The following MARCHF1 variants were observed in gnomAD, a reference collection of about 807,000 sequenced individuals.
MARCHF1 encodes the protein E3 ubiquitin-protein ligase MARCHF1.
In MARCHF1, 40 loss-of-function variants were observed where a neutral mutation model predicts 54.2. That is an observed-to-expected ratio of 0.74 (90% CI 0.57 to 0.96). MARCHF1 has a LOEUF of 0.96. MARCHF1 is among the 40% of genes least tolerant of loss of function. The probability of loss-of-function intolerance (pLI) is 0.00; values close to 1 mark genes in which losing one functional copy is unlikely to be tolerated. For missense variants in MARCHF1, 586 were observed against 656.5 expected, an observed-to-expected ratio of 0.89 and a Z score of 1.17; for synonymous variants, 236 against 236.3, an observed-to-expected ratio of 1.00 and a Z score of 0.01.
intron 4 of MARCHF1, among the ~76,000 whole-genome samples, chr4:163,759,454 T>C (rs921243694): frequency 6.6e-6 from 1 of 152,316 alleles, no homozygotes; most frequent in Non-Finnish European, 1.5e-5. Context: ...TCAATCATTG[T>C]AAGTTACAAT....
chr4:164,310,004 A>C (rs1560997179), intron 1 of MARCHF1, among the ~76,000 whole-genome samples: 1 of 152,070 alleles, frequency 6.6e-6, no homozygotes, highest in Non-Finnish European at 1.5e-5. Flanking sequence ...ATTAAAAAAA[A>C]ATCTGTAGGT....
At chr4:163,987,815 CT>C (rs1752899251) in intron 3 of MARCHF1, among the ~76,000 whole-genome samples, 1 of 152,200 alleles carries the variant, frequency 6.6e-6, no homozygotes, top group African/African-American at 2.4e-5. Context: ...AGCATATGAT[CT>C]TTCAAGCAGT....
Position 163,528,413 on chromosome 4 carries a change from G to C in MARCHF1, c.*335C>G, listed in dbSNP as rs1738215046. 4.3e-6 allele frequency: 1 copy of C among 232,494 alleles called. No individual in the cohort carries two copies. The highest frequency in any genetic ancestry group is 1.0e-4 in the South Asian group (1 of 9,950). 14.4% of individuals were successfully genotyped at this position (232,494 alleles called of 1,614,324 possible). A position where few individuals can be genotyped will look rare whatever the true frequency, so the allele number is the denominator to read the frequency against. On this transcript the variant is annotated 3_prime_UTR_variant, in exon 10 of 10. Transcript: ENST00000514618. ...GTCTGTATTCTTGAACTTTTCCCCT[G>C]TTACTGTGAAGAAGAGTATCATGGG...
chr4:164,130,578 G>A (rs1306828257), intron 1 of MARCHF1, among the ~76,000 whole-genome samples: 1 of 152,072 alleles, frequency 6.6e-6, no homozygotes, highest in Non-Finnish European at 1.5e-5. Context: ...AATAAACCCT[G>A]CGCTAAACAA....
intron 4 of MARCHF1, among the ~76,000 whole-genome samples, chr4:163,725,596 A>G (rs1362342190): frequency 1.3e-5 from 2 of 152,266 alleles, no homozygotes; most frequent in African/African-American, 2.4e-5. Context: ...TTTCCATTCA[A>G]TAAGTGCTTT....
At position 164,158,803 on chromosome 4, in the gene MARCHF1, G is replaced by A. The variant is rs139647149; in HGVS notation, c.-322-47141C>T. Among the ~76,000 whole-genome samples, 329 of 151,944 alleles carry A rather than the reference G, an allele frequency of 2.2e-3. 1 individual carries two copies. Among genetic ancestry groups the A allele is most frequent in the Non-Finnish European group, 3.4e-3 (230 of 67,956 alleles). Reference sequence around the variant, plus strand: ...CCACATTTCTTTCCAACTATGCTCCGCCAAAAATGTACTTTTTAGCCTCCA... The same window carrying A: ...CCACATTTCTTTCCAACTATGCTCCACCAAAAATGTACTTTTTAGCCTCCA... On this transcript the variant is annotated intron_variant, in intron 1 of 9. Transcript: ENST00000514618.
chr4:164,214,356 T>C (rs369661982), intron 1 of MARCHF1, among the ~76,000 whole-genome samples: 10 of 152,336 alleles, frequency 6.6e-5, no homozygotes, highest in African/African-American at 1.7e-4. Context: ...AACCATGTTG[T>C]ACTTGCAAGT....
intron 5 of MARCHF1, among the ~76,000 whole-genome samples, chr4:163,614,480 A>G (rs1741450134): frequency 6.6e-6 from 1 of 152,116 alleles, no homozygotes; most frequent in Non-Finnish European, 1.5e-5. Flanking sequence ...CAGAGATGAA[A>G]TGCACAATTT....
At chr4:163,783,296 G>C (rs940238847) in intron 4 of MARCHF1, among the ~76,000 whole-genome samples, 3 of 152,158 alleles carry the variant, frequency 2.0e-5, no homozygotes, top group Non-Finnish European at 4.4e-5. Flanking sequence ...TGACTATCAA[G>C]AGTTTAAATT....
At chr4:163,996,050 T>C (rs988690298) in intron 2 of MARCHF1, among the ~76,000 whole-genome samples, 2 of 152,060 alleles carry the variant, frequency 1.3e-5, no homozygotes, top group East Asian at 3.9e-4. Flanking sequence ...AACTATATTT[T>C]ACTAAGTTTT....
intron 1 of MARCHF1, among the ~76,000 whole-genome samples, chr4:164,241,968 G>C (rs556531296): frequency 6.6e-6 from 1 of 152,216 alleles, no homozygotes; most frequent in South Asian, 2.1e-4. Context: ...ACCTGGCTCG[G>C]AGGGTCCTAT....
At chr4:164,333,223 C>G (rs918040094) in intron 1 of MARCHF1, among the ~76,000 whole-genome samples, 3 of 152,038 alleles carry the variant, frequency 2.0e-5, no homozygotes, top group Non-Finnish European at 4.4e-5. Context: ...TAATAGATTA[C>G]AAAATTGTGT....
intron 1 of MARCHF1, among the ~76,000 whole-genome samples, chr4:164,148,097 A>C (rs1729813991): frequency 6.6e-6 from 1 of 151,888 alleles, no homozygotes; most frequent in Non-Finnish European, 1.5e-5. Flanking sequence ...CATTATGGTA[A>C]TAGCTCTCCA....
chr4:163,978,219 C>A (rs1455040379), intron 3 of MARCHF1, among the ~76,000 whole-genome samples: 1 of 152,044 alleles, frequency 6.6e-6, no homozygotes, highest in African/African-American at 2.4e-5. Context: ...ATGTTTTAGT[C>A]TTTTTATTAT....
chr4:163,828,677 A>G (rs1312049730), intron 4 of MARCHF1: 1 of 152,176 alleles, frequency 6.6e-6, no homozygotes, highest in Non-Finnish European at 1.5e-5. Flanking sequence ...TAAAAGGAAA[A>G]ATTGTTGGTT....
chr4:163,916,761 C>G (rs1480403498), intron 3 of MARCHF1, among the ~76,000 whole-genome samples: 2 of 152,066 alleles, frequency 1.3e-5, no homozygotes, highest in Admixed American at 1.3e-4. Context: ...TCTCCCTACC[C>G]CCACAGATGT....
At position 163,821,647 on chromosome 4, in the gene MARCHF1, T is replaced by C. The variant is rs144756123; in HGVS notation, c.111+32374A>G. Among the ~76,000 whole-genome samples the C allele has an allele frequency of 5.6e-3, 844 of 150,886 alleles. 13 individuals carry two copies. The highest frequency in any genetic ancestry group is 0.02 in the African/African-American group (807 of 40,362). ...GCTTTAATTAGTTTTTAGGTTCTAA[T>C]TTTTTATTTTCCAATTTCATTTAGA... On this transcript the variant is annotated intron_variant, in intron 4 of 9. Transcript: ENST00000514618.
intron 3 of MARCHF1, among the ~76,000 whole-genome samples, chr4:163,893,394 C>T (rs1479356842): frequency 6.6e-6 from 1 of 152,170 alleles, no homozygotes; most frequent in African/African-American, 2.4e-5. Context: ...CCACCTCTGC[C>T]TCCCAAAGTG....
intron 2 of MARCHF1, among the ~76,000 whole-genome samples, chr4:163,989,185 C>T (rs538178945): frequency 6.6e-6 from 1 of 152,060 alleles, no homozygotes; most frequent in African/African-American, 2.4e-5. Flanking sequence ...CCTTGAGAAG[C>T]GCGGCTAGCT....
Sources: gnomAD v4.1 joint callset for allele counts (sites outside exome capture counted in the v4.1 genomes callset) on GRCh38, gnomAD v4.1.1 for gene constraint, MANE v1.5 for transcripts, NCBI Gene and HGNC (gene_info 2026-07-23, HGNC 2026-07-21) for gene names.